The following GRM1 variants were observed in gnomAD, a reference collection of about 807,000 sequenced individuals.
GRM1 encodes the protein glutamate metabotropic receptor 1, also known as metabotropic glutamate receptor 1.
In GRM1, 33 loss-of-function variants were observed where a neutral mutation model predicts 90.9. That is an observed-to-expected ratio of 0.36 (90% CI 0.28 to 0.49). GRM1 has a LOEUF of 0.49. Ranked by LOEUF, GRM1 falls within the 20% of genes least tolerant of loss-of-function variation. The pLI is 0.99. For synonymous variants in GRM1, 700 were observed against 613.2 expected, an observed-to-expected ratio of 1.14 and a Z score of -2.09; for missense variants, 1,190 against 1,534.3, an observed-to-expected ratio of 0.78 and a Z score of 3.75.
At chr6:146,328,271 A>T (rs781013021) in intron 3 of GRM1, among the ~76,000 whole-genome samples, 4 of 152,180 alleles carry the variant, frequency 2.6e-5, no homozygotes, top group Non-Finnish European at 5.9e-5. Context: ...AATAAAAGTG[A>T]TACCCACTAC....
chr6:146,185,345 G>A (rs575618449), intron 2 of GRM1, among the ~76,000 whole-genome samples: 1 of 152,314 alleles, frequency 6.6e-6, no homozygotes, highest in South Asian at 2.1e-4. Context: ...GAGCAATTGT[G>A]CTGTGCCATA....
intron 3 of GRM1, among the ~76,000 whole-genome samples, chr6:146,342,459 G>T (rs747055143): frequency 4.6e-5 from 7 of 152,220 alleles, no homozygotes; most frequent in Non-Finnish European, 8.8e-5. Flanking sequence ...CTCTGGGACA[G>T]TAACTAAGCA....
At chr6:146,154,289 G>C (rs1360773032) in intron 1 of GRM1, among the ~76,000 whole-genome samples, 3 of 152,190 alleles carry the variant, frequency 2.0e-5, no homozygotes, top group Non-Finnish European at 4.4e-5. Flanking sequence ...GTCTGCTAGT[G>C]ATGTCTATTT....
chr6:146,370,860 T>G (rs150034675), intron 5 of GRM1, among the ~76,000 whole-genome samples: 213 of 152,220 alleles, frequency 1.4e-3, no homozygotes, highest in African/African-American at 4.8e-3. Flanking sequence ...TGTAATTCTA[T>G]ATAGAGTGCC....
chr6:146,129,233 T>C (rs1281218816), intron 1 of GRM1, among the ~76,000 whole-genome samples: 1 of 152,158 alleles, frequency 6.6e-6, no homozygotes, highest in Non-Finnish European at 1.5e-5. Flanking sequence ...GGAAGGAGAA[T>C]AGAAGATAAC....
chr6:146,104,241 C>A (rs976354906), intron 1 of GRM1, among the ~76,000 whole-genome samples: 1 of 152,066 alleles, frequency 6.6e-6, no homozygotes, highest in African/African-American at 2.4e-5. Context: ...GAGATTGAGA[C>A]CATCCTGGCT....
intron 2 of GRM1, among the ~76,000 whole-genome samples, chr6:146,178,468 A>G (rs1269839831): frequency 6.6e-6 from 1 of 152,226 alleles, no homozygotes; most frequent in Non-Finnish European, 1.5e-5. Flanking sequence ...ACCCAAGTCT[A>G]AACATGGAAA....
chr6:146,283,234 T>C (rs1182023399), intron 2 of GRM1, among the ~76,000 whole-genome samples: 1 of 152,194 alleles, frequency 6.6e-6, no homozygotes, highest in Non-Finnish European at 1.5e-5. Context: ...TGAGCATAAA[T>C]GATTGTAGTT....
rs1253951781 is a variant in GRM1 at position 146,434,455 on chromosome 6, C to A, written c.3244C>A (p.Leu1082Met). The A allele has an allele frequency of 6.2e-7, 1 of 1,614,028 alleles. No individual in the cohort carries two copies. Among genetic ancestry groups the A allele is most frequent in the Non-Finnish European group, 8.5e-7 (1 of 1,179,998 alleles). Residue 1082 changes from leucine to methionine, a missense_variant, in exon 8 of 8, where the codon CTG becomes ATG. Leu to Met is a conservative substitution (Grantham distance 15). This residue lies in a region of GRM1 where 400 missense variants were observed against 360.8 expected (regional missense o/e 1.11). Coordinates refer to ENST00000282753, the MANE Select transcript of GRM1 (RefSeq NM_001278064.2). The stretch of plus-strand genomic sequence containing the variant: ...GCACCTGCAGATGCTGCCGCTGCAG[C>A]TGAGCACCTTTGGGGAGGAGCTGGT... Reference protein sequence around the residue: ...PQHLQMLPLQLSTFGEELVSP... With the variant: ...PQHLQMLPLQMSTFGEELVSP...
chr6:146,400,652 G>T (rs149877321), intron 7 of GRM1, among the ~76,000 whole-genome samples: 1 of 152,038 alleles, frequency 6.6e-6, no homozygotes, highest in African/African-American at 2.4e-5. Context: ...TTCATGTAAC[G>T]TTTTTTATTT....
intron 2 of GRM1, among the ~76,000 whole-genome samples, chr6:146,195,710 C>A (rs542659454): frequency 1.3e-5 from 2 of 152,274 alleles, no homozygotes; most frequent in South Asian, 2.1e-4. Flanking sequence ...ACTTAGTTTA[C>A]CCCTTGAGAA....
At position 146,057,462 on chromosome 6, in the gene GRM1, A is replaced by G. The variant is rs376943954; in HGVS notation, c.700+27245A>G. On this transcript the variant is annotated intron_variant, in intron 1 of 7. Transcript: ENST00000282753. ...TGAATTTCCATTTTATCTTTTATAA[A>G]GATGCTACATTAAAAAATGTGATAG... is the stretch of plus-strand genomic sequence containing the variant. Among the ~76,000 whole-genome samples, 6 of 152,272 alleles carry G rather than the reference A, an allele frequency of 3.9e-5. No individual in the cohort carries two copies. The East Asian group carries it at 7.7e-4, about 20-fold the overall frequency.
intron 1 of GRM1, among the ~76,000 whole-genome samples, chr6:146,128,308 CT>C (rs1776271337): frequency 6.6e-6 from 1 of 152,084 alleles, no homozygotes; most frequent in African/African-American, 2.4e-5. Context: ...AATCCTGCTG[CT>C]AAGATAATAA....
At chr6:146,426,753 G>T (rs146428241) in intron 7 of GRM1, 6 of 649,160 alleles carry the variant, frequency 9.2e-6, no homozygotes, top group South Asian at 8.9e-5. Flanking sequence ...TCAGAATGAA[G>T]AATTCATTTA....
At chr6:146,089,138 ACT>A (rs1776637254) in intron 1 of GRM1, among the ~76,000 whole-genome samples, 1 of 151,896 alleles carries the variant, frequency 6.6e-6, no homozygotes, top group Non-Finnish European at 1.5e-5. Context: ...TCACTCTGAG[ACT>A]CTCCTTGCTG....
chr6:146,260,804 G>GTTTTTTTTTT lies in GRM1; in HGVS notation c.951-43783_951-43774dup, dbSNP rs56956724. ...CCCATTTTTTAATTAGGTTATTTGGGTTTTTTTTTTTTTTTTTTTTTTTTT... is the reference window on the plus strand; with the variant it reads ...CCCATTTTTTAATTAGGTTATTTGGGTTTTTTTTTTTTTTTTTTTTTTTTTTTTTTTTTTT... On this transcript the variant is annotated intron_variant, in intron 2 of 7. Transcript: ENST00000282753. Among the ~76,000 whole-genome samples the GTTTTTTTTTT allele has an allele frequency of 4.0e-4, 9 of 22,738 alleles. 2 individuals are homozygous for GTTTTTTTTTT. The highest frequency in any genetic ancestry group is 1.4e-3 in the East Asian group (1 of 692). The allele number at this position is 22,738 out of a possible 152,430, so 14.9% of individuals were successfully genotyped here.
intron 2 of GRM1, among the ~76,000 whole-genome samples, chr6:146,298,011 G>GGAGTTTCATTTTAGTCATTGCAAT (rs1398888894): frequency 5.9e-5 from 9 of 151,978 alleles, no homozygotes; most frequent in African/African-American, 2.2e-4. Context: ...CCCTGAGCTG[G>GGAGTTTCATTTTAGTCATTGCAAT]GAGTTTCATT....
chr6:146,172,515 A>T (rs147594342), intron 2 of GRM1, among the ~76,000 whole-genome samples: 22 of 152,310 alleles, frequency 1.4e-4, no homozygotes, highest in African/African-American at 5.3e-4. Context: ...GGTCAAAGAG[A>T]GGACAGGTAT....
At chr6:146,311,468 A>G (rs191971391) in intron 3 of GRM1, among the ~76,000 whole-genome samples, 2 of 152,328 alleles carry the variant, frequency 1.3e-5, no homozygotes, top group Admixed American at 6.5e-5. Context: ...TCTGATTATC[A>G]CACAGATGAA....
Sources: gnomAD v4.1 joint callset for allele counts (sites outside exome capture counted in the v4.1 genomes callset) on GRCh38, gnomAD v4.1.1 for gene constraint, gnomAD v4.1.1 regional missense constraint, MANE v1.5 for transcripts, NCBI Gene and HGNC (gene_info 2026-07-23, HGNC 2026-07-21) for gene names.